RNF150: variants seen among roughly 807,000 people sequenced by gnomAD.
The protein encoded by RNF150 is ring finger protein 150.
Under a neutral mutation model 39.3 loss-of-function variants are expected in RNF150, and 24 were observed. The ratio of observed to expected loss-of-function variants is 0.61; its 90% CI spans 0.44 to 0.86. The LOEUF (loss-of-function observed/expected upper bound fraction) is 0.86, where lower values mean the gene tolerates loss of function less well. Ranked by LOEUF, RNF150 falls within the 40% of genes least tolerant of loss-of-function variation. The probability of loss-of-function intolerance (pLI) is 0.00; values close to 1 mark genes in which losing one functional copy is unlikely to be tolerated. For synonymous variants in RNF150, 255 were observed against 227.3 expected, an observed-to-expected ratio of 1.12 and a Z score of -1.10; for missense variants, 502 against 587.8, an observed-to-expected ratio of 0.85 and a Z score of 1.51.
intron 1 of RNF150, among the ~76,000 whole-genome samples, chr4:141,126,442 A>C (rs1726757712): frequency 6.6e-6 from 1 of 152,130 alleles, no homozygotes; most frequent in Admixed American, 6.6e-5. Context: ...TATTCTTATG[A>C]ATTTGTTTTT....
intron 1 of RNF150, among the ~76,000 whole-genome samples, chr4:141,004,842 G>C (rs4956339): frequency 0.96 from 145,873 of 152,276 alleles, 70,172 homozygotes; most frequent in East Asian, 1. Context: ...TATCTACTCT[G>C]TACATGTCTC....
chr4:140,981,910 T>C lies in RNF150; in HGVS notation c.485-14037A>G, dbSNP rs549356717. Among the ~76,000 whole-genome samples, 12 of 152,308 alleles carry C rather than the reference T, an allele frequency of 7.9e-5. No individual in the cohort carries two copies. The South Asian group carries it at 1.0e-3, about 13-fold the overall frequency. On this transcript the variant is annotated intron_variant, in intron 1 of 6. Transcript: ENST00000515673. ...TGTTTTTTGTCTTAGAATGCTCTCA[T>C]TGATTTTCATAAACAAACATGATTT... is the stretch of plus-strand genomic sequence containing the variant.
intron 1 of RNF150, among the ~76,000 whole-genome samples, chr4:141,201,475 T>C (rs1410833699): frequency 1.3e-5 from 2 of 152,144 alleles, no homozygotes; most frequent in Non-Finnish European, 2.9e-5. Context: ...GAATGACAAT[T>C]CTCCTTGTAA....
At chr4:140,915,658 T>A (rs1305344555) in intron 5 of RNF150, among the ~76,000 whole-genome samples, 5 of 152,144 alleles carry the variant, frequency 3.3e-5, no homozygotes, top group Admixed American at 6.5e-5. Flanking sequence ...CTTCAGCAAA[T>A]CCGCTTAAAT....
chr4:140,870,062 C>T (rs1365297970), intron 6 of RNF150, among the ~76,000 whole-genome samples: 1 of 152,004 alleles, frequency 6.6e-6, no homozygotes, highest in Non-Finnish European at 1.5e-5. Flanking sequence ...AAGAAAAATA[C>T]CTGAGTTTCA....
intron 1 of RNF150, among the ~76,000 whole-genome samples, chr4:141,032,947 T>G (rs1285776898): frequency 6.6e-6 from 1 of 152,232 alleles, no homozygotes; most frequent in African/African-American, 2.4e-5. Flanking sequence ...TTTTTGCCAG[T>G]GGAGGGTCTT....
chr4:140,986,037 T>C (rs1734004313), intron 1 of RNF150, among the ~76,000 whole-genome samples: 1 of 152,078 alleles, frequency 6.6e-6, no homozygotes, highest in Non-Finnish European at 1.5e-5. Flanking sequence ...AGTAATAATA[T>C]TGCAGCCAAG....
intron 1 of RNF150, among the ~76,000 whole-genome samples, chr4:141,185,463 C>T (rs3113621): frequency 0.97 from 147,971 of 152,244 alleles, 72,062 homozygotes; most frequent in East Asian, 1. Flanking sequence ...TATACAATCA[C>T]GTCATCTGCA....
At chr4:141,181,567 C>T (rs1195254705) in intron 1 of RNF150, among the ~76,000 whole-genome samples, 2 of 152,172 alleles carry the variant, frequency 1.3e-5, no homozygotes, top group African/African-American at 4.8e-5. Flanking sequence ...CACGAGAAAT[C>T]ACTCATGCAT....
chr4:141,164,388 T>C (rs761719852), intron 1 of RNF150, among the ~76,000 whole-genome samples: 6 of 152,074 alleles, frequency 3.9e-5, no homozygotes, highest in Non-Finnish European at 8.8e-5. Context: ...CATCAGGATA[T>C]TATCCAGGAG....
chr4:141,204,232 A>G (rs1728339612), intron 1 of RNF150, among the ~76,000 whole-genome samples: 1 of 152,174 alleles, frequency 6.6e-6, no homozygotes, highest in African/African-American at 2.4e-5. Flanking sequence ...GAGAACCAGC[A>G]ATATTCCACG....
At chr4:140,969,168 T>C (rs1378331124) in intron 1 of RNF150, among the ~76,000 whole-genome samples, 1 of 152,162 alleles carries the variant, frequency 6.6e-6, no homozygotes. Context: ...GGGCTTTCCT[T>C]TGACCTTGAT....
intron 1 of RNF150, among the ~76,000 whole-genome samples, chr4:141,081,691 ATG>A (rs1738154156): frequency 6.6e-6 from 1 of 152,220 alleles, no homozygotes; most frequent in South Asian, 2.1e-4. Flanking sequence ...CTATTCTTTA[ATG>A]TGTGTATGTA....
chr4:140,952,039 C>T (rs1026117361), intron 2 of RNF150, among the ~76,000 whole-genome samples: 8 of 151,912 alleles, frequency 5.3e-5, no homozygotes, highest in African/African-American at 1.7e-4. Context: ...GATGGAGTCT[C>T]GTACTGTCTA....
intron 1 of RNF150, among the ~76,000 whole-genome samples, chr4:141,060,148 A>AC (rs1737156987): frequency 6.6e-6 from 1 of 152,342 alleles, no homozygotes; most frequent in Admixed American, 6.5e-5. Context: ...AAAGTATTAA[A>AC]TAAAATTTAT....
chr4:140,881,895 A>C (rs1291111476), intron 6 of RNF150, among the ~76,000 whole-genome samples: 1 of 151,926 alleles, frequency 6.6e-6, no homozygotes. Flanking sequence ...AAAAAAGAGG[A>C]TGTTGTTTAA....
chr4:141,193,057 T>C (rs114630263), intron 1 of RNF150, among the ~76,000 whole-genome samples: 1,628 of 152,346 alleles, frequency 0.011, 24 homozygotes, highest in African/African-American at 0.036. Context: ...ATGTCACTCT[T>C]CCCTGCTTTT....
Position 141,144,324 on chromosome 4 carries a change from A to G in RNF150, c.-6+68470T>C, listed in dbSNP as rs139568239. Among the ~76,000 whole-genome samples, 187 of 152,326 alleles carry G rather than the reference A, an allele frequency of 1.2e-3. 1 individual carries two copies. Among genetic ancestry groups the G allele is most frequent in the African/African-American group, 4.2e-3 (173 of 41,570 alleles). Reference sequence around the variant, plus strand: ...AATATAATCCTTATCCTCCTAGCACATATCAGACTAAGCTTTCCAATCTTC... The same window carrying G: ...AATATAATCCTTATCCTCCTAGCACGTATCAGACTAAGCTTTCCAATCTTC... On this transcript the variant is annotated intron_variant, in intron 1 of 7. Transcript: ENST00000420921.
At chr4:141,166,729 G>A (rs755022310) in intron 1 of RNF150, among the ~76,000 whole-genome samples, 57 of 152,022 alleles carry the variant, frequency 3.7e-4, no homozygotes, top group Non-Finnish European at 7.4e-4. Context: ...AAAGACCTTC[G>A]ATAAAATTCA....
Sources: gnomAD v4.1 joint callset for allele counts (sites outside exome capture counted in the v4.1 genomes callset) on GRCh38, gnomAD v4.1.1 for gene constraint, MANE v1.5 for transcripts, NCBI Gene and HGNC (gene_info 2026-07-23, HGNC 2026-07-21) for gene names.